PTPRT: variants seen among roughly 807,000 people sequenced by gnomAD.
The protein encoded by PTPRT is protein tyrosine phosphatase receptor type T, also known as receptor-type tyrosine-protein phosphatase T.
A neutral mutation model predicts 176.8 loss-of-function variants in PTPRT; 56 were observed. The ratio of observed to expected loss-of-function variants is 0.32; its 90% confidence interval spans 0.26 to 0.40. PTPRT has a LOEUF of 0.40. Among genes scored for constraint, PTPRT ranks in the 10% least tolerant of loss-of-function variants. PTPRT has a pLI of 1.00. For synonymous variants in PTPRT, 783 were observed against 739.0 expected, an observed-to-expected ratio of 1.06 and a Z score of -0.96; for missense variants, 1,540 against 1,908.2, an observed-to-expected ratio of 0.81 and a Z score of 3.60.
intron 2 of PTPRT, among the ~76,000 whole-genome samples, chr20:42,847,807 T>C (rs1028525541): frequency 2.6e-5 from 4 of 152,216 alleles, no homozygotes; most frequent in African/African-American, 7.2e-5. Context: ...GGCAGTGATG[T>C]TTCCATCCTG....
rs913259694 is a variant in PTPRT, at chr20:42,301,104, G to T, written c.2139+14619C>A. On this transcript the variant is annotated intron_variant, in intron 12 of 30. Transcript: ENST00000373187. ...TTTTACATAGTCTAGAAATATGTGT[G>T]TACAAAACACTTATATATTACAAAG... Among the ~76,000 whole-genome samples, 6 of 152,286 alleles carry T rather than the reference G, an allele frequency of 3.9e-5. No individual in the cohort carries two copies. The South Asian group carries it at 8.3e-4, about 21-fold the overall frequency.
chr20:42,508,368 C>T (rs545877940), intron 7 of PTPRT, among the ~76,000 whole-genome samples: 1 of 152,152 alleles, frequency 6.6e-6, no homozygotes, highest in South Asian at 2.1e-4. Flanking sequence ...TCAGGGCCAA[C>T]CAAAGGTGGG....
chr20:42,622,857 C>T (rs2074223942), intron 7 of PTPRT, among the ~76,000 whole-genome samples: 1 of 152,296 alleles, frequency 6.6e-6, no homozygotes, highest in South Asian at 2.1e-4. Context: ...AAAGGCCCCC[C>T]ACCTTCAAGC....
At chr20:43,000,127 C>T (rs1328999863) in intron 1 of PTPRT, among the ~76,000 whole-genome samples, 2 of 151,260 alleles carry the variant, frequency 1.3e-5, no homozygotes, top group Non-Finnish European at 2.9e-5. Context: ...GGAAAACTCC[C>T]TAGTTTTCCT....
chr20:42,944,820 C>A (rs903748182), intron 1 of PTPRT, among the ~76,000 whole-genome samples: 2 of 152,260 alleles, frequency 1.3e-5, no homozygotes, highest in Admixed American at 1.3e-4. Flanking sequence ...TTGTAATTTG[C>A]AAATATGTGT....
chr20:42,744,248 G>A (rs948178894), intron 6 of PTPRT, among the ~76,000 whole-genome samples: 2 of 152,188 alleles, frequency 1.3e-5, no homozygotes, highest in East Asian at 1.9e-4. Flanking sequence ...CTTGGGCTTC[G>A]TGGCCATAGC....
At chr20:42,270,902 T>A (rs768178098) in intron 13 of PTPRT, among the ~76,000 whole-genome samples, 1 of 152,186 alleles carries the variant, frequency 6.6e-6, no homozygotes, top group Non-Finnish European at 1.5e-5. Context: ...TCAATCACCA[T>A]GCTTTATTAA....
chr20:43,168,474 G>A (rs1445976586), intron 1 of PTPRT, among the ~76,000 whole-genome samples: 1 of 152,128 alleles, frequency 6.6e-6, no homozygotes. Context: ...GAATCCTCTA[G>A]TGGCTGTATC....
chr20:42,523,536 T>A (rs376351539), intron 7 of PTPRT, among the ~76,000 whole-genome samples: 1 of 152,174 alleles, frequency 6.6e-6, no homozygotes, highest in Non-Finnish European at 1.5e-5. Flanking sequence ...TCAGTTTGTT[T>A]GTGTGAGGGA....
At chr20:43,134,206 CAGTTT>C (rs1317094822) in intron 1 of PTPRT, among the ~76,000 whole-genome samples, 1 of 152,138 alleles carries the variant, frequency 6.6e-6, no homozygotes, top group Non-Finnish European at 1.5e-5. Context: ...CGTTATAGAT[CAGTTT>C]AATTTATTTA....
chr20:42,234,935 A>G (rs895663528), intron 15 of PTPRT, among the ~76,000 whole-genome samples: 1 of 152,214 alleles, frequency 6.6e-6, no homozygotes, highest in Non-Finnish European at 1.5e-5. Flanking sequence ...AGGTAATGCT[A>G]TTAGGCACAG....
intron 5 of PTPRT, among the ~76,000 whole-genome samples, chr20:42,767,974 TTA>T (rs1491381918): frequency 2.8e-5 from 2 of 70,628 alleles, no homozygotes; most frequent in Non-Finnish European, 5.6e-5. Flanking sequence ...ATATATAAAA[TTA>T]TACACACACA....
At chr20:42,605,205 G>A (rs1235442609) in intron 7 of PTPRT, among the ~76,000 whole-genome samples, 1 of 152,146 alleles carries the variant, frequency 6.6e-6, no homozygotes, top group African/African-American at 2.4e-5. Flanking sequence ...TGGGTCACGT[G>A]GTCAGAGCTG....
chr20:42,783,969 CCCAGGCTGAGAATT>C (rs2077252472), intron 3 of PTPRT, among the ~76,000 whole-genome samples: 1 of 152,086 alleles, frequency 6.6e-6, no homozygotes, highest in Non-Finnish European at 1.5e-5. Flanking sequence ...GAGCAGAGGG[CCCAGGCTGAGAATT>C]CCAACGTCTC....
At chr20:43,102,319 C>T (rs1041361232) in intron 1 of PTPRT, among the ~76,000 whole-genome samples, 1 of 151,184 alleles carries the variant, frequency 6.6e-6, no homozygotes, top group Non-Finnish European at 1.5e-5. Context: ...CACACACACA[C>T]ATACACTTCC....
At chr20:42,851,049 T>G (rs6093747) in intron 2 of PTPRT, among the ~76,000 whole-genome samples, 1,721 of 152,330 alleles carry the variant, frequency 0.011, 45 homozygotes, top group African/African-American at 0.039. Flanking sequence ...GATCTGCACT[T>G]AATTACAGCT....
intron 1 of PTPRT, among the ~76,000 whole-genome samples, chr20:43,005,709 T>C (rs1984817674): frequency 6.6e-6 from 1 of 152,238 alleles, no homozygotes. Flanking sequence ...GAGCCTGCAA[T>C]GCTGACGGCA....
At chr20:42,238,490 AC>A (rs1480379632) in intron 14 of PTPRT, among the ~76,000 whole-genome samples, 1 of 152,198 alleles carries the variant, frequency 6.6e-6, no homozygotes, top group African/African-American at 2.4e-5. Context: ...CCAGCCATAC[AC>A]GTTAGCACTG....
At chr20:42,147,714 C>T (rs542354080) in intron 17 of PTPRT, among the ~76,000 whole-genome samples, 28 of 152,282 alleles carry the variant, frequency 1.8e-4, no homozygotes, top group South Asian at 4.1e-4. Context: ...GGTGGCAGTT[C>T]GTGGGAAACC....
Sources: allele counts gnomAD v4.1 joint callset (sites outside exome capture counted in the v4.1 genomes callset), GRCh38; gene constraint gnomAD v4.1.1; transcripts MANE v1.5; gene names NCBI Gene and HGNC (gene_info 2026-07-23, HGNC 2026-07-21).